Variants in NECTIN1 observed in about 807,000 individuals in gnomAD.
NECTIN1 encodes nectin cell adhesion molecule 1.
A neutral mutation model predicts 48.0 loss-of-function variants in NECTIN1; 23 were observed. The ratio of observed to expected loss-of-function variants is 0.48; its 90% CI spans 0.34 to 0.68. The LOEUF is 0.68. Among genes scored for constraint, NECTIN1 ranks in the 30% least tolerant of loss-of-function variants. The pLI is 0.01. For missense variants in NECTIN1, 591 were observed against 709.9 expected, an observed-to-expected ratio of 0.83 and a Z score of 1.90; for synonymous variants, 270 against 288.9, an observed-to-expected ratio of 0.93 and a Z score of 0.66.
chr11:119,680,498 G>A (rs946327108), intron 1 of NECTIN1, among the ~76,000 whole-genome samples: 9 of 152,186 alleles, frequency 5.9e-5, no homozygotes, highest in African/African-American at 9.7e-5. Context: ...CAGCGTGACG[G>A]GGATATTGTA....
intron 1 of NECTIN1, chr11:119,712,853 AT>A (rs922953844): frequency 6.6e-6 from 1 of 152,170 alleles, no homozygotes; most frequent in Non-Finnish European, 1.5e-5. Context: ...TTTAACCTCA[AT>A]TCCAGTTGCT....
At chr11:119,694,612 T>A (rs993903709) in intron 1 of NECTIN1, among the ~76,000 whole-genome samples, 11 of 152,170 alleles carry the variant, frequency 7.2e-5, no homozygotes. Context: ...TGAAGTGATG[T>A]GGGCTGAAGA....
intron 1 of NECTIN1, among the ~76,000 whole-genome samples, chr11:119,693,541 G>A (rs981795113): frequency 1.5e-4 from 23 of 152,228 alleles, no homozygotes; most frequent in Middle Eastern, 6.8e-3. Flanking sequence ...TCTTTTCCTC[G>A]TTTTTCACTC....
intron 5 of NECTIN1, among the ~76,000 whole-genome samples, chr11:119,655,263 A>G (rs1052112360): frequency 5.9e-5 from 9 of 151,858 alleles, no homozygotes; most frequent in Non-Finnish European, 1.3e-4. Context: ...AATCAGATTG[A>G]GTGGAAGGTA....
intron 1 of NECTIN1, among the ~76,000 whole-genome samples, chr11:119,682,891 C>T (rs1865084233): frequency 6.6e-6 from 1 of 152,182 alleles, no homozygotes; most frequent in African/African-American, 2.4e-5. Flanking sequence ...CCAGGACGCC[C>T]TTGTGACTGT....
At chr11:119,657,486 G>A (rs529287859), downstream of NECTIN1, among the ~76,000 whole-genome samples, 206 of 151,876 alleles carry the variant, frequency 1.4e-3, no homozygotes, top group African/African-American at 4.7e-3. Flanking sequence ...GTGGTGGCAC[G>A]TGCCTGTAGT....
At chr11:119,669,732 C>T (rs1411923670) in intron 5 of NECTIN1, among the ~76,000 whole-genome samples, 3 of 152,150 alleles carry the variant, frequency 2.0e-5, no homozygotes, top group African/African-American at 7.2e-5. Flanking sequence ...ACTCCTGGCA[C>T]ACACTGCACG....
At chr11:119,706,825 C>T (rs1309073437) in intron 1 of NECTIN1, among the ~76,000 whole-genome samples, 6 of 152,170 alleles carry the variant, frequency 3.9e-5, no homozygotes, top group Non-Finnish European at 7.3e-5. Flanking sequence ...ATTTAATCCT[C>T]GTGAACTCCC....
rs1864391683 is a variant in NECTIN1 at position 119,645,941 on chromosome 11, C to G, written c.1004-5929G>C. On this transcript the variant is annotated intron_variant, in intron 5 of 7. Coordinates refer to the NECTIN1 transcript ENST00000341398. ...GACTCAGCCAGGCCTCTGTCCTCCC[C>G]TTCTCTTAGGCTATAGGGCTAGGAG... 2.0e-5 allele frequency among the ~76,000 whole-genome samples: 3 copies of G among 152,184 alleles called. 1 individual carries two copies. In the South Asian group the frequency reaches 6.2e-4, roughly 32 times the overall value.
intron 5 of NECTIN1, among the ~76,000 whole-genome samples, chr11:119,647,296 A>G (rs12797352): frequency 0.28 from 39,810 of 143,956 alleles, 6,214 homozygotes; most frequent in South Asian, 0.49. Context: ...TCTATCTGGA[A>G]TGCTGTCTCC....
intron 1 of NECTIN1, among the ~76,000 whole-genome samples, chr11:119,717,445 G>C (rs1374495878): frequency 6.6e-6 from 1 of 152,184 alleles, no homozygotes; most frequent in East Asian, 1.9e-4. Flanking sequence ...TGGCCACCCT[G>C]CCCGGGAAGG....
chr11:119,692,857 C>CT (rs1287452440), intron 1 of NECTIN1, among the ~76,000 whole-genome samples: 3 of 152,222 alleles, frequency 2.0e-5, no homozygotes, highest in African/African-American at 7.2e-5. Flanking sequence ...CACGGCCTCC[C>CT]TCTCTCCCCT....
downstream of NECTIN1, among the ~76,000 whole-genome samples, chr11:119,658,263 C>A (rs1864608281): frequency 2.6e-5 from 4 of 152,080 alleles, no homozygotes. Flanking sequence ...AGAAGGGAGG[C>A]TGGGGTGAGG....
chr11:119,660,263 A>C (rs1050011406), downstream of NECTIN1, among the ~76,000 whole-genome samples: 4 of 151,808 alleles, frequency 2.6e-5, no homozygotes, highest in Admixed American at 2.6e-4. Flanking sequence ...AGCCCCTGCC[A>C]CTCCCACCCC....
rs1864694106 is a variant in NECTIN1, at chr11:119,663,022, G to GGGAGC, written c.*1724_*1725insGCTCC. On this transcript the variant is annotated 3_prime_UTR_variant, in exon 6 of 6. Coordinates refer to ENST00000264025, the MANE Select transcript of NECTIN1 (RefSeq NM_002855.5). Reference sequence around the variant, plus strand: ...GGGGTTCAATAGCAGCACCAGGGAGGGGAGGGGAGGGGTTGGGGGGCTCCC... The same window carrying GGGAGC: ...GGGGTTCAATAGCAGCACCAGGGAGGGGAGCGGAGGGGAGGGGTTGGGGGGCTCCC... The GGGAGC allele has an allele frequency of 5.1e-6, 5 of 982,788 alleles. No homozygotes were observed. The South Asian group carries it at 2.4e-4, about 46-fold the overall frequency. 60.9% of individuals were successfully genotyped at this position (982,788 alleles called of 1,614,324 possible). A position where few individuals can be genotyped will look rare whatever the true frequency, so the allele number is the denominator to read the frequency against.
Position 119,662,044 on chromosome 11 carries a change from CA to C in NECTIN1, c.*2702del. 1.0e-6 allele frequency: 1 copy of C among 985,168 alleles called. No homozygotes were observed. Among genetic ancestry groups the C allele is most frequent in the Non-Finnish European group, 1.2e-6 (1 of 829,856 alleles). The allele number at this position is 985,168 out of a possible 1,614,324, so 61.0% of individuals were successfully genotyped here. A position where few individuals can be genotyped will look rare whatever the true frequency, so the allele number is the denominator to read the frequency against. ...AACAATATCAAAATCTGTAAGGAAA[CA>C]GGGGCATGGGTGTGGGGTGGGGGGC... On this transcript the variant is annotated 3_prime_UTR_variant, in exon 6 of 6. Transcript: ENST00000264025. The surrounding 1 kb of genome is among the most constrained non-coding windows in gnomAD (Gnocchi z 5.3).
At chr11:119,638,698 C>T (rs1864273349) in intron 7 of NECTIN1, 2 of 1,594,422 alleles carry the variant, frequency 1.3e-6, no homozygotes, top group African/African-American at 2.7e-5. Flanking sequence ...CCCCGCAGTC[C>T]AGGGACCTTG....
chr11:119,714,733 C>T (rs896733939), intron 1 of NECTIN1, among the ~76,000 whole-genome samples: 1 of 149,794 alleles, frequency 6.7e-6, no homozygotes, highest in Non-Finnish European at 1.5e-5. Context: ...TATCATTAAT[C>T]CTAAGGAAAA....
At chr11:119,669,962 CTTTT>C (rs535335352) in intron 5 of NECTIN1, among the ~76,000 whole-genome samples, 27 of 144,418 alleles carry the variant, frequency 1.9e-4, no homozygotes, top group African/African-American at 6.4e-4. Flanking sequence ...AAAATTACTA[CTTTT>C]TTTTTTTTTT....
Sources: allele counts gnomAD v4.1 joint callset (sites outside exome capture counted in the v4.1 genomes callset), GRCh38; gene constraint gnomAD v4.1.1; non-coding constraint Gnocchi (gnomAD v3.1); transcripts MANE v1.5; gene names NCBI Gene and HGNC (gene_info 2026-07-23, HGNC 2026-07-21).